Variants in SUPT3H observed in about 807,000 individuals in gnomAD.
SUPT3H encodes the protein SPT3 homolog, SAGA and STAGA complex component, also known as transcription initiation protein SPT3 homolog.
Under a neutral mutation model 44.3 loss-of-function variants are expected in SUPT3H, and 44 were observed. That is an observed-to-expected ratio of 0.99 (90% CI 0.78 to 1.28). SUPT3H has a LOEUF of 1.28. Ranked by LOEUF, SUPT3H falls within the 50% of genes most tolerant of loss-of-function variation. SUPT3H has a pLI of 0.00. For missense variants in SUPT3H, 380 were observed against 387.1 expected (o/e 0.98, Z 0.15); for synonymous variants, 124 against 125.6 (o/e 0.99, Z 0.09).
At chr6:44,901,387 A>C (rs1385715251) in intron 10 of SUPT3H, among the ~76,000 whole-genome samples, 1 of 152,240 alleles carries the variant, frequency 6.6e-6, no homozygotes, top group Non-Finnish European at 1.5e-5. Flanking sequence ...CACAAGCCTC[A>C]GTAGCCGATA....
rs548099832 is a variant in SUPT3H, at chr6:45,228,477, A to T, written c.102-122471T>A. ...AAACATTGCCTTTTCCTGGTTATAT[A>T]GGAGCTTCTAGCCTTCAGATTCAAA... On this transcript the variant is annotated intron_variant, in intron 2 of 10. Transcript: ENST00000371459. Among the ~76,000 whole-genome samples, 631 of 152,224 alleles carry T rather than the reference A, an allele frequency of 4.1e-3. 5 individuals are homozygous for T. The highest frequency in any genetic ancestry group is 0.015 in the African/African-American group (605 of 41,520).
At chr6:44,833,389 T>C (rs902784327) in intron 10 of SUPT3H, among the ~76,000 whole-genome samples, 3 of 152,162 alleles carry the variant, frequency 2.0e-5, no homozygotes, top group Non-Finnish European at 2.9e-5. Context: ...CTAAGATAAA[T>C]AGACAGTCCC....
chr6:45,072,851 T>C (rs1378370937), intron 3 of SUPT3H, among the ~76,000 whole-genome samples: 3 of 152,088 alleles, frequency 2.0e-5, no homozygotes, highest in African/African-American at 7.2e-5. Flanking sequence ...ACTTGGATAC[T>C]GGCCCTCTCT....
At chr6:44,978,147 G>T (rs1388603340) in intron 6 of SUPT3H, among the ~76,000 whole-genome samples, 1 of 152,036 alleles carries the variant, frequency 6.6e-6, no homozygotes, top group East Asian at 1.9e-4. Context: ...ATGAAGGGAA[G>T]ATTATTTCTA....
chr6:45,320,121 C>T (rs1360470794), intron 2 of SUPT3H, among the ~76,000 whole-genome samples: 1 of 151,978 alleles, frequency 6.6e-6, no homozygotes, highest in East Asian at 1.9e-4. Flanking sequence ...CACGATCTTT[C>T]ACGTAACAAT....
At chr6:44,967,285 C>T (rs925380358) in intron 6 of SUPT3H, among the ~76,000 whole-genome samples, 10 of 152,176 alleles carry the variant, frequency 6.6e-5, no homozygotes, top group Admixed American at 6.5e-5. Flanking sequence ...GAAGTTACAG[C>T]ATTTTCTTGT....
intron 3 of SUPT3H, chr6:45,098,411 C>T (rs967860806): frequency 5.3e-5 from 9 of 168,886 alleles, no homozygotes; most frequent in East Asian, 1.6e-4. Context: ...TCTGATGGAA[C>T]GTGGCCAGTT....
chr6:45,231,647 T>C (rs1230946772), intron 2 of SUPT3H, among the ~76,000 whole-genome samples: 1 of 152,200 alleles, frequency 6.6e-6, no homozygotes, highest in Non-Finnish European at 1.5e-5. Context: ...CTTGCTAGAC[T>C]TAGGAAGTTT....
chr6:44,879,320 C>G (rs1777812609), intron 10 of SUPT3H, among the ~76,000 whole-genome samples: 1 of 152,198 alleles, frequency 6.6e-6, no homozygotes, highest in South Asian at 2.1e-4. Flanking sequence ...GAACTTTGAA[C>G]TGGGCAGAGC....
At chr6:45,083,174 A>C (rs1371708637) in intron 3 of SUPT3H, among the ~76,000 whole-genome samples, 24 of 30,906 alleles carry the variant, frequency 7.8e-4, no homozygotes, top group African/African-American at 3.0e-3. Flanking sequence ...AATCATTATT[A>C]TTATTATTAT....
intron 2 of SUPT3H, among the ~76,000 whole-genome samples, chr6:45,362,359 GAA>G (rs1794411084): frequency 6.6e-6 from 1 of 152,160 alleles, no homozygotes; most frequent in Non-Finnish European, 1.5e-5. Context: ...GCAGAGGACT[GAA>G]AAGCAGCAAT....
chr6:45,352,409 T>G (rs562688866), intron 2 of SUPT3H, among the ~76,000 whole-genome samples: 164 of 152,310 alleles, frequency 1.1e-3, no homozygotes, highest in Middle Eastern at 3.4e-3. Flanking sequence ...ATCTAATAAA[T>G]TTGATTACTA....
chr6:44,960,537 AT>A (rs1775880427), intron 7 of SUPT3H, among the ~76,000 whole-genome samples: 1 of 152,106 alleles, frequency 6.6e-6, no homozygotes, highest in South Asian at 2.1e-4. Flanking sequence ...AGACTTTAAG[AT>A]TATGAGTTTC....
At chr6:45,108,144 C>A (rs186148211) in intron 2 of SUPT3H, among the ~76,000 whole-genome samples, 2 of 152,246 alleles carry the variant, frequency 1.3e-5, no homozygotes, top group East Asian at 3.9e-4. Flanking sequence ...CTATTCAACA[C>A]AATACTGTAA....
intron 1 of SUPT3H, among the ~76,000 whole-genome samples, chr6:45,366,385 A>G (rs984928238): frequency 2.6e-5 from 4 of 152,130 alleles, no homozygotes; most frequent in African/African-American, 9.7e-5. Context: ...GGCAACGATA[A>G]TCTCACCTTC....
At chr6:45,223,912 AAGT>A (rs1348839520) in intron 2 of SUPT3H, among the ~76,000 whole-genome samples, 1 of 150,700 alleles carries the variant, frequency 6.6e-6, no homozygotes, top group South Asian at 2.1e-4. Flanking sequence ...GTTAAATTAC[AAGT>A]AGAATACTAA....
intron 10 of SUPT3H, among the ~76,000 whole-genome samples, chr6:44,840,411 C>G (rs1019743543): frequency 1.3e-5 from 2 of 152,020 alleles, no homozygotes; most frequent in Non-Finnish European, 2.9e-5. Context: ...TCAGCAGACC[C>G]GTGGGAGGTG....
chr6:45,245,917 A>G (rs898041385), intron 2 of SUPT3H, among the ~76,000 whole-genome samples: 21 of 152,094 alleles, frequency 1.4e-4, no homozygotes, highest in African/African-American at 3.9e-4. Context: ...GAAGTGTTCT[A>G]ATTTGTCCAT....
chr6:44,975,856 A>G lies in SUPT3H; in HGVS notation c.505-14028T>C, dbSNP rs183448219. Among the ~76,000 whole-genome samples the G allele has an allele frequency of 3.2e-3, 482 of 152,348 alleles. 16 individuals are homozygous for G. The highest frequency in any genetic ancestry group is 0.028 in the Admixed American group (428 of 15,306). On this transcript the variant is annotated intron_variant, in intron 6 of 10. Transcript: ENST00000371459. ...ATTATTAAAAAAAAGAAAATATGAA[A>G]AAAGCAAACTCATGCTGAGTATGTC...
Sources: gnomAD v4.1 joint callset for allele counts (sites outside exome capture counted in the v4.1 genomes callset) on GRCh38, gnomAD v4.1.1 for gene constraint, MANE v1.5 for transcripts, NCBI Gene and HGNC (gene_info 2026-07-23, HGNC 2026-07-21) for gene names.